Variants in TRDMT1 observed in about 807,000 individuals in gnomAD.
TRDMT1 encodes the protein tRNA aspartic acid methyltransferase 1.
Under a neutral mutation model 51.2 loss-of-function variants are expected in TRDMT1, and 49 were observed. The ratio of observed to expected loss-of-function variants is 0.96; its 90% confidence interval spans 0.76 to 1.21. The LOEUF is 1.21. Ranked by LOEUF, TRDMT1 falls within the 50% of genes most tolerant of loss-of-function variation. TRDMT1 has a pLI of 0.00. For synonymous variants in TRDMT1, 187 were observed against 164.6 expected (o/e 1.14, Z -1.04); for missense variants, 534 against 462.3 (o/e 1.16, Z -1.42).
In TRDMT1 at chr10:17,138,010, A is replaced by G. The variant is rs1030277998; in HGVS notation, c.*11030T>C. Among the ~76,000 whole-genome samples, 1 of 152,132 alleles carries G rather than the reference A, an allele frequency of 6.6e-6. No homozygotes were observed. Among genetic ancestry groups the G allele is most frequent in the Admixed American group, 6.6e-5 (1 of 15,266 alleles). On this transcript the variant is annotated 3_prime_UTR_variant, in exon 11 of 11. Coordinates refer to ENST00000377799, the MANE Select transcript of TRDMT1 (RefSeq NM_004412.7). Reference sequence around the variant, plus strand: ...TCTTGAGTGCAATAATCCTTATGTGATATTTCTGCTAGGCCAGCTGAATTT... The same window carrying G: ...TCTTGAGTGCAATAATCCTTATGTGGTATTTCTGCTAGGCCAGCTGAATTT...
chr10:17,181,557 T>C (rs1843282991), intron 1 of TRDMT1, among the ~76,000 whole-genome samples: 1 of 152,210 alleles, frequency 6.6e-6, no homozygotes, highest in Non-Finnish European at 1.5e-5. Context: ...TTATTACTGA[T>C]TACCCTCCTT....
Position 17,144,812 on chromosome 10 carries a change from T to C in TRDMT1, c.*4228A>G, listed in dbSNP as rs2131355682. The C allele has an allele frequency of 4.1e-6, 4 of 985,318 alleles. No homozygotes were observed. The highest frequency in any genetic ancestry group is 5.2e-4 in the Middle Eastern group (1 of 1,914). 61.0% of individuals were successfully genotyped at this position (985,318 alleles called of 1,614,324 possible). The stretch of plus-strand genomic sequence containing the variant: ...AAACAACAACAACAAAAAATACTTT[T>C]TCTTTTTTTTTTTAAACTGAAGCTT... On this transcript the variant is annotated 3_prime_UTR_variant, in exon 11 of 11. Transcript: ENST00000377799.
In TRDMT1 at chr10:17,147,594, G is replaced by C. The variant is rs1041935105; in HGVS notation, c.*1446C>G. 6.4e-6 allele frequency: 1 copy of C among 155,400 alleles called. No individual in the cohort carries two copies. The highest frequency in any genetic ancestry group is 1.9e-4 in the East Asian group (1 of 5,208). The allele number at this position is 155,400 out of a possible 1,614,324, so 9.6% of individuals were successfully genotyped here. On this transcript the variant is annotated 3_prime_UTR_variant, in exon 11 of 11. Coordinates refer to ENST00000377799, the MANE Select transcript of TRDMT1 (RefSeq NM_004412.7). ...CCCACAGGGTGGCTTATTTCACTTC[G>C]CATAATGTACTCAAGGTTCATCCAT...
rs1281050640 is a variant in TRDMT1, at chr10:17,148,543, G to C, written c.*497C>G. 1 of 983,884 alleles carries C rather than the reference G, an allele frequency of 1.0e-6. No homozygotes were observed. The highest frequency in any genetic ancestry group is 1.2e-6 in the Non-Finnish European group (1 of 828,838). The allele number at this position is 983,884 out of a possible 1,614,324, so 60.9% of individuals were successfully genotyped here. On this transcript the variant is annotated 3_prime_UTR_variant, in exon 11 of 11. Coordinates refer to ENST00000377799, the MANE Select transcript of TRDMT1 (RefSeq NM_004412.7). ...TGTATAAACTGAATGATGATAATTT[G>C]GTTTACATATCATATGCATTTGTTT...
intron 3 of TRDMT1, among the ~76,000 whole-genome samples, chr10:17,163,381 G>A (rs1447478769): frequency 1.3e-5 from 2 of 152,038 alleles, no homozygotes; most frequent in East Asian, 1.9e-4. Flanking sequence ...TGTGTATAGA[G>A]GGAAATTTAT....
At chr10:17,169,923 G>GA (rs1416971151) in intron 2 of TRDMT1, among the ~76,000 whole-genome samples, 3 of 152,188 alleles carry the variant, frequency 2.0e-5, no homozygotes, top group Non-Finnish European at 4.4e-5. Context: ...AAAGCAATCT[G>GA]AAAATCCTAC....
At chr10:17,175,675 A>T (rs1007407217) in intron 1 of TRDMT1, among the ~76,000 whole-genome samples, 31 of 145,026 alleles carry the variant, frequency 2.1e-4, no homozygotes, top group Non-Finnish European at 4.7e-4. Flanking sequence ...CAAAAAAGGA[A>T]AAAAAAAAAA....
rs550605958 is a variant in TRDMT1, at chr10:17,149,984, T to C, written c.1076-844A>G. 7.2e-5 allele frequency among the ~76,000 whole-genome samples: 11 copies of C among 152,284 alleles called. No homozygotes were observed. The South Asian group carries it at 1.9e-3, about 26-fold the overall frequency. On this transcript the variant is annotated intron_variant, in intron 10 of 10. Coordinates refer to ENST00000377799, the MANE Select transcript of TRDMT1 (RefSeq NM_004412.7). Reference sequence around the variant, plus strand: ...GTATAGATACGTATTTTCAATTCTCTTGGATATATACATAGGGGTGAAACT... The same window carrying C: ...GTATAGATACGTATTTTCAATTCTCCTGGATATATACATAGGGGTGAAACT...
rs966049353 is a variant in TRDMT1 at position 17,201,626 on chromosome 10, G to T, written c.9C>A (p.Pro3=). 1.3e-6 allele frequency: 2 copies of T among 1,544,718 alleles called. No homozygotes were observed. The highest frequency in any genetic ancestry group is 2.0e-5 in the Admixed American group (1 of 50,618). Residue 3 remains proline (P), a synonymous_variant, in exon 1 of 11, where the codon CCC becomes CCA. Transcript: ENST00000377799. ME[P]LRVLELYSGV... Reference sequence around the variant, plus strand: ...CGCTGTATAGCTCCAGCACCCGCAGGGGCTCCATCCCCGCGCCTCAGCCGC... The same window carrying T: ...CGCTGTATAGCTCCAGCACCCGCAGTGGCTCCATCCCCGCGCCTCAGCCGC...
At position 17,145,758 on chromosome 10, in the gene TRDMT1, G is replaced by A. The variant is rs1457867128; in HGVS notation, c.*3282C>T. ...AAACTCTTAAGTTATCAAAGCAAAAGAGCAACCAGAGTGACTTTGGTTTGG... is the reference window on the plus strand; with the variant it reads ...AAACTCTTAAGTTATCAAAGCAAAAAAGCAACCAGAGTGACTTTGGTTTGG... On this transcript the variant is annotated 3_prime_UTR_variant, in exon 11 of 11. Coordinates refer to ENST00000377799, the MANE Select transcript of TRDMT1 (RefSeq NM_004412.7). 3 of 985,454 alleles carry A rather than the reference G, an allele frequency of 3.0e-6. No individual in the cohort carries two copies. Among genetic ancestry groups the A allele is most frequent in the Non-Finnish European group, 3.6e-6 (3 of 829,942 alleles). 61.0% of individuals were successfully genotyped at this position (985,454 alleles called of 1,614,324 possible). A position where few individuals can be genotyped will look rare whatever the true frequency, so the allele number is the denominator to read the frequency against.
intron 10 of TRDMT1, chr10:17,150,776 C>G (rs1838593121): frequency 1.0e-6 from 1 of 984,780 alleles, no homozygotes; most frequent in African/African-American, 1.7e-5. Flanking sequence ...ATTACTGTTG[C>G]AATTAAACAT....
chr10:17,166,626 C>A (rs975629271), intron 3 of TRDMT1, among the ~76,000 whole-genome samples: 5 of 152,164 alleles, frequency 3.3e-5, no homozygotes, highest in Non-Finnish European at 7.4e-5. Flanking sequence ...ATCAGTGGAT[C>A]TGAGGTTCAG....
intron 2 of TRDMT1, among the ~76,000 whole-genome samples, chr10:17,170,522 C>A (rs1045311377): frequency 9.2e-5 from 14 of 152,280 alleles, no homozygotes; most frequent in African/African-American, 3.1e-4. Context: ...CCTCTGCCTG[C>A]CTTATTGCCT....
rs993868176 is a variant in TRDMT1, at chr10:17,140,984, A to G, written c.*8056T>C. 9.2e-5 allele frequency among the ~76,000 whole-genome samples: 14 copies of G among 152,204 alleles called. No individual in the cohort carries two copies. Among genetic ancestry groups the G allele is most frequent in the African/African-American group, 3.4e-4 (14 of 41,440 alleles). On this transcript the variant is annotated 3_prime_UTR_variant, in exon 11 of 11. Coordinates refer to ENST00000377799, the MANE Select transcript of TRDMT1 (RefSeq NM_004412.7). ...AAGAGCTGCATAGAGGTATATGTGT[A>G]TCGATACATATATAGATAAAACAGA...
intron 1 of TRDMT1, among the ~76,000 whole-genome samples, chr10:17,189,177 A>G (rs913099512): frequency 7.9e-5 from 12 of 152,210 alleles, no homozygotes; most frequent in African/African-American, 2.9e-4. Context: ...GGTAAAATGA[A>G]TATCTCATAT....
intron 7 of TRDMT1, among the ~76,000 whole-genome samples, chr10:17,158,392 T>C (rs527784183): frequency 6.6e-6 from 1 of 152,296 alleles, no homozygotes; most frequent in East Asian, 1.9e-4. Context: ...ATAAAGTTAC[T>C]GTTAACTTAA....
At chr10:17,160,558 G>A (rs886381269) in intron 5 of TRDMT1, among the ~76,000 whole-genome samples, 184 bp from the exon 6 acceptor site, 2 of 151,736 alleles carry the variant, frequency 1.3e-5, no homozygotes, top group African/African-American at 2.4e-5. Context: ...TGCATCCTCC[G>A]CCTCCCAGGT....
chr10:17,163,556 C>T (rs992860022), intron 3 of TRDMT1, among the ~76,000 whole-genome samples: 21 of 152,162 alleles, frequency 1.4e-4, no homozygotes, highest in African/African-American at 5.1e-4. Context: ...ACACAAAAAA[C>T]CCTTCAAAAA....
chr10:17,201,038 C>CGT (rs1846082906), intron 1 of TRDMT1, among the ~76,000 whole-genome samples: 2 of 152,202 alleles, frequency 1.3e-5, no homozygotes, highest in Admixed American at 6.5e-5. Flanking sequence ...TTCTTTCCAA[C>CGT]GATCAGACGT....
Sources: allele counts gnomAD v4.1 joint callset (sites outside exome capture counted in the v4.1 genomes callset), GRCh38; gene constraint gnomAD v4.1.1; transcripts MANE v1.5; gene names NCBI Gene and HGNC (gene_info 2026-07-23, HGNC 2026-07-21).